The following NREP variants were observed in gnomAD, a reference collection of about 807,000 sequenced individuals.
NREP encodes neuronal regeneration-related protein.
Under a neutral mutation model 8.6 loss-of-function variants are expected in NREP, and 5 were observed. That is an observed-to-expected ratio of 0.58 (90% CI 0.30 to 1.22). The LOEUF is 1.22. Ranked by LOEUF, NREP falls within the 50% of genes most tolerant of loss-of-function variation. The pLI is 0.07. For synonymous variants in NREP, 27 were observed against 28.0 expected (o/e 0.96, Z 0.11); for missense variants, 86 against 82.5 (o/e 1.04, Z -0.17).
chr5:111,760,949 T>C (rs1750946672), upstream of NREP, among the ~76,000 whole-genome samples: 1 of 152,242 alleles, frequency 6.6e-6, no homozygotes, highest in South Asian at 2.1e-4. Flanking sequence ...AATCTATATA[T>C]TCCTGCAACT....
intron 2 of NREP, among the ~76,000 whole-genome samples, chr5:111,920,401 T>C (rs1161273857): frequency 6.6e-6 from 1 of 152,148 alleles, no homozygotes; most frequent in Non-Finnish European, 1.5e-5. Flanking sequence ...TATCAGTCCA[T>C]CATCTAGGTT....
chr5:111,760,282 G>A (rs1750931975), upstream of NREP, among the ~76,000 whole-genome samples: 1 of 152,184 alleles, frequency 6.6e-6, no homozygotes, highest in Non-Finnish European at 1.5e-5. Context: ...AGGGGTCAGG[G>A]AGACTCATCC....
At chr5:111,848,913 T>C (rs906010654) in intron 2 of NREP, among the ~76,000 whole-genome samples, 1 of 152,150 alleles carries the variant, frequency 6.6e-6, no homozygotes, top group East Asian at 1.9e-4. Flanking sequence ...CAATAAATGA[T>C]AGCTTTGGGG....
upstream of NREP, among the ~76,000 whole-genome samples, chr5:111,758,829 C>T (rs758767014): frequency 5.9e-5 from 9 of 152,340 alleles, no homozygotes; most frequent in Middle Eastern, 6.8e-3. Context: ...ACTGAGTTCT[C>T]TGTATGCTTG....
At chr5:111,958,536 A>C (rs1756391580) in intron 2 of NREP, among the ~76,000 whole-genome samples, 1 of 151,988 alleles carries the variant, frequency 6.6e-6, no homozygotes, top group South Asian at 2.1e-4. Context: ...TTTACACTTA[A>C]TAGCCAATTT....
At chr5:111,923,859 A>G (rs7719309) in intron 2 of NREP, among the ~76,000 whole-genome samples, 16,844 of 151,916 alleles carry the variant, frequency 0.11, 1,509 homozygotes, top group African/African-American at 0.25. Flanking sequence ...CTGGTTAAAG[A>G]CCCTTTTTGA....
intron 2 of NREP, among the ~76,000 whole-genome samples, chr5:111,806,391 C>G (rs1023219598): frequency 6.4e-4 from 98 of 152,146 alleles, no homozygotes; most frequent in African/African-American, 2.3e-3. Flanking sequence ...AAATGTGTTA[C>G]TCTTCATCCT....
intron 2 of NREP, among the ~76,000 whole-genome samples, chr5:111,842,901 TC>T (rs1261649244): frequency 6.6e-6 from 1 of 152,202 alleles, no homozygotes; most frequent in African/African-American, 2.4e-5. Context: ...ATTCCACTCT[TC>T]CTGGCTAAGA....
chr5:111,937,549 T>C (rs1158142483), intron 2 of NREP, among the ~76,000 whole-genome samples: 1 of 152,020 alleles, frequency 6.6e-6, no homozygotes, highest in African/African-American at 2.4e-5. Flanking sequence ...AGCATTAACA[T>C]CCTCCCTTCT....
chr5:111,745,068 C>G (rs1749918162), intron 2 of NREP, among the ~76,000 whole-genome samples: 1 of 152,004 alleles, frequency 6.6e-6, no homozygotes, highest in Non-Finnish European at 1.5e-5. Context: ...ATAGTACAAT[C>G]CACTATAATG....
intron 3 of NREP, chr5:111,734,638 G>A (rs1395438768): frequency 4.8e-6 from 3 of 625,026 alleles, no homozygotes; most frequent in Admixed American, 4.8e-5. Context: ...CTTAAACATT[G>A]AAATACCAGT....
chr5:111,890,897 T>C (rs528355793), intron 2 of NREP, among the ~76,000 whole-genome samples: 3 of 152,232 alleles, frequency 2.0e-5, no homozygotes, highest in Non-Finnish European at 2.9e-5. Context: ...GAGGCCTTTT[T>C]CCCATTATCT....
At chr5:111,843,147 T>C (rs544408161) in intron 2 of NREP, among the ~76,000 whole-genome samples, 1 of 152,274 alleles carries the variant, frequency 6.6e-6, no homozygotes, top group African/African-American at 2.4e-5. Context: ...CCTTTATTTC[T>C]CTCTGCTCCT....
At chr5:111,771,149 T>C (rs1751216549) in intron 2 of NREP, among the ~76,000 whole-genome samples, 1 of 152,182 alleles carries the variant, frequency 6.6e-6, no homozygotes, top group African/African-American at 2.4e-5. Context: ...TGATGCAGAA[T>C]GCTTCACATA....
upstream of NREP, among the ~76,000 whole-genome samples, chr5:111,761,177 T>A (rs1291716436): frequency 2.6e-5 from 4 of 152,248 alleles, no homozygotes; most frequent in Non-Finnish European, 1.5e-5. Context: ...GTTTAGCATA[T>A]AAGTTAACAT....
At chr5:111,927,409 T>C (rs1755418791) in intron 2 of NREP, among the ~76,000 whole-genome samples, 1 of 152,040 alleles carries the variant, frequency 6.6e-6, no homozygotes. Flanking sequence ...GGTGAAAGGA[T>C]GGGTGGCATG....
intron 2 of NREP, among the ~76,000 whole-genome samples, chr5:111,830,171 G>A (rs761568991): frequency 3.3e-5 from 5 of 151,974 alleles, no homozygotes; most frequent in South Asian, 2.1e-4. Flanking sequence ...TGTTGTTGTT[G>A]TTGTTCATCA....
upstream of NREP, chr5:111,757,868 G>A (rs1750835188): frequency 9.2e-6 from 9 of 978,298 alleles, no homozygotes; most frequent in South Asian, 3.3e-4. Flanking sequence ...GCGTGAAGGC[G>A]GCCAGGGTGC....
chr5:111,884,547 T>G (rs568562817), intron 2 of NREP, among the ~76,000 whole-genome samples: 1 of 150,494 alleles, frequency 6.6e-6, no homozygotes, highest in African/African-American at 2.4e-5. Flanking sequence ...ATCAATATCC[T>G]TGATGAACAT....
Sources: allele counts gnomAD v4.1 joint callset (sites outside exome capture counted in the v4.1 genomes callset), GRCh38; gene constraint gnomAD v4.1.1; transcripts MANE v1.5; gene names NCBI Gene and HGNC (gene_info 2026-07-23, HGNC 2026-07-21).